The following CCER2 variants were observed in gnomAD, a reference collection of about 807,000 sequenced individuals.
CCER2 encodes coiled-coil glutamate rich protein 2.
Under a neutral mutation model 27.1 loss-of-function variants are expected in CCER2, and 20 were observed. That is an observed-to-expected ratio of 0.74 (90% CI 0.52 to 1.07). The LOEUF (loss-of-function observed/expected upper bound fraction) is 1.07. CCER2 is among the 50% of genes least tolerant of loss of function. CCER2 has a pLI of 0.00. For synonymous variants in CCER2, 140 were observed against 144.3 expected (o/e 0.97, Z 0.21); for missense variants, 351 against 344.7 (o/e 1.02, Z -0.14).
rs1486249316 is a variant in CCER2 at position 38,910,925 on chromosome 19, C to G, written c.349G>C (p.Val117Leu). 3.3e-6 allele frequency: 5 copies of G among 1,518,786 alleles called. No individual in the cohort carries two copies. The highest frequency in any genetic ancestry group is 4.4e-6 in the Non-Finnish European group (5 of 1,138,192). 94.1% of individuals were successfully genotyped at this position (1,518,786 alleles called of 1,614,324 possible). ...EVAERTHKSE[V>L]QEQAIRMQGH... is the part of the protein sequence containing the mutation. ...TGCATGCGGATGGCTTGTTCCTGGACCTCAGACTTGTGGGTCCTCTCTGCT... is the reference window on the plus strand; with the variant it reads ...TGCATGCGGATGGCTTGTTCCTGGAGCTCAGACTTGTGGGTCCTCTCTGCT... Residue 117 changes from valine to leucine, a missense_variant, in exon 4 of 5, where the codon GTC (valine) becomes CTC (leucine). Coordinates refer to ENST00000571838, the MANE Select transcript of CCER2 (RefSeq NM_001243212.2).
chr19:38,911,926 G>GCGGA, intron 1 of CCER2, 74 bp from the exon 2 acceptor site: 1 of 1,519,436 alleles, frequency 6.6e-7, no homozygotes, highest in Non-Finnish European at 8.8e-7. Flanking sequence ...AGCTCCATGG[G>GCGGA]CGTCCCGGTC....
intron 4 of CCER2, among the ~76,000 whole-genome samples, chr19:38,909,723 A>G (rs974771369): frequency 6.6e-6 from 1 of 151,698 alleles, no homozygotes; most frequent in Non-Finnish European, 1.5e-5. Context: ...CAGGCATGCA[A>G]CACCATGCCT....
At chr19:38,910,528 CTG>C (rs1568419171) in intron 4 of CCER2, 33 bp downstream of exon 4, 41 of 1,439,260 alleles carry the variant, frequency 2.8e-5, no homozygotes, top group Non-Finnish European at 3.7e-5. Flanking sequence ...TGCCTCCAAA[CTG>C]TGTTGGTGTT....
At chr19:38,911,262 ACAGGGGGG>A (rs1180079334) in intron 3 of CCER2, among the ~76,000 whole-genome samples, 179 bp from the exon 4 acceptor site, 2 of 152,220 alleles carry the variant, frequency 1.3e-5, no homozygotes. Flanking sequence ...CGAAGGTCTC[ACAGGGGGG>A]CTGCCCAGAC....
chr19:38,910,846 C>T lies in CCER2; in HGVS notation c.428G>A (p.Arg143Lys), dbSNP rs756503455. 4.7e-5 allele frequency: 72 copies of T among 1,527,492 alleles called. No homozygotes were observed. The African/African-American group carries it at 7.9e-4, about 17-fold the overall frequency. The allele number at this position is 1,527,492 out of a possible 1,614,324, so 94.6% of individuals were successfully genotyped here. The change falls in exon 4 of 5, where the codon AGG (arginine) becomes AAG (lysine). Residue 143 changes from arginine (R) to lysine (K), a missense_variant. Physicochemically the swap from Arg to Lys is conservative, Grantham distance 26 (BLOSUM62 2). Transcript: ENST00000571838. ...EEDEEEEKEE[R>K]KRGPMETFED... is the part of the protein sequence containing the mutation. Reference sequence around the variant, plus strand: ...AAAGGTCTCCATGGGCCCCCTCTTCCTCTCCTCCTTCTCCTCCTCCTCGTC... The same window carrying T: ...AAAGGTCTCCATGGGCCCCCTCTTCTTCTCCTCCTTCTCCTCCTCCTCGTC...
At chr19:38,911,177 G>A in intron 3 of CCER2, 94 bp from the exon 4 acceptor site, 9 of 1,247,164 alleles carry the variant, frequency 7.2e-6, no homozygotes, top group Non-Finnish European at 9.5e-6. Context: ...CACTTTGGGA[G>A]GCCGTGGCGG....
At chr19:38,911,442 G>A in intron 3 of CCER2, 124 bp downstream of exon 3, 1 of 813,180 alleles carries the variant, frequency 1.2e-6, no homozygotes, top group South Asian at 1.7e-5. Context: ...CTCTGGGAAT[G>A]AGGACCTCTT....
At chr19:38,910,080 C>T (rs2144748761) in intron 4 of CCER2, among the ~76,000 whole-genome samples, 1 of 152,196 alleles carries the variant, frequency 6.6e-6, no homozygotes. Flanking sequence ...ACTATGTTGC[C>T]CACGCTGGTC....
Position 38,911,669 on chromosome 19 carries a change from G to A in CCER2, c.103-16C>T. On this transcript the variant is annotated splice_polypyrimidine_tract_variant and intron_variant, in intron 2 of 4. Transcript: ENST00000571838. ...AGCGGGTCAGCTGGGGGGCAGGGGTGCCGGGTCAGAGGGGAGGTTGAGGGC... is the reference window on the plus strand; with the variant it reads ...AGCGGGTCAGCTGGGGGGCAGGGGTACCGGGTCAGAGGGGAGGTTGAGGGC... 6.5e-7 allele frequency: 1 copy of A among 1,535,276 alleles called. No individual in the cohort carries two copies. The highest frequency in any genetic ancestry group is 8.7e-7 in the Non-Finnish European group (1 of 1,146,474).
At chr19:38,910,147 C>T (rs144099802) in intron 4 of CCER2, among the ~76,000 whole-genome samples, 1 of 152,238 alleles carries the variant, frequency 6.6e-6, no homozygotes, top group Non-Finnish European at 1.5e-5. Context: ...GATTAACCCT[C>T]CCTAGGATTA....
intron 1 of CCER2, 108 bp downstream of exon 1, chr19:38,911,990 G>A (rs1314271385): frequency 3.4e-6 from 5 of 1,473,134 alleles, no homozygotes; most frequent in East Asian, 2.5e-5. Flanking sequence ...CCCGCTGGAG[G>A]CTCGGCCCCT....
rs1037207829 is a variant in CCER2, at chr19:38,911,646, C to A, written c.110G>T (p.Arg37Leu). Residue 37 changes from arginine (R) to leucine (L), a missense_variant, in exon 3 of 5, where the codon CGC becomes CTC. Arg to Leu is a moderately radical substitution (Grantham distance 102, BLOSUM62 -2). Coordinates refer to ENST00000571838, the MANE Select transcript of CCER2 (RefSeq NM_001243212.2). ...CTCTGTGACCACCTCTGCCAGACAG[C>A]GGGTCAGCTGGGGGGCAGGGGTGCC... Reference protein sequence around the residue: ...APRPSKEELTRCLAEVVTEVL... With the variant: ...APRPSKEELTLCLAEVVTEVL... The A allele has an allele frequency of 2.0e-6, 3 of 1,535,470 alleles. No homozygotes were observed. Among genetic ancestry groups the A allele is most frequent in the Non-Finnish European group, 1.7e-6 (2 of 1,146,736 alleles).
At chr19:38,911,674 G>C in intron 2 of CCER2, 21 bp from the exon 3 acceptor site, 2 of 1,534,938 alleles carry the variant, frequency 1.3e-6, no homozygotes, top group Non-Finnish European at 1.7e-6. Flanking sequence ...GGGGTGCCGG[G>C]TCAGAGGGGA....
At chr19:38,909,739 A>G (rs1262157282) in intron 4 of CCER2, among the ~76,000 whole-genome samples, 1 of 151,514 alleles carries the variant, frequency 6.6e-6, no homozygotes, top group African/African-American at 2.4e-5. Context: ...TGCCTGGCTG[A>G]TTTTTTGTAT....
Position 38,909,137 on chromosome 19 carries a change from G to T in CCER2, c.*99C>A. ...GCACGTCCGCCTCCTCCCCTGTTTGGGTAGGGGTGGCGTGGGGTGCTAGGT... is the reference window on the plus strand; with the variant it reads ...GCACGTCCGCCTCCTCCCCTGTTTGTGTAGGGGTGGCGTGGGGTGCTAGGT... On this transcript the variant is annotated 3_prime_UTR_variant, in exon 5 of 5. Coordinates refer to ENST00000571838, the MANE Select transcript of CCER2 (RefSeq NM_001243212.2). The T allele has an allele frequency of 1.6e-6, 2 of 1,267,508 alleles. No homozygotes were observed. Among genetic ancestry groups the T allele is most frequent in the Non-Finnish European group, 1.1e-6 (1 of 911,722 alleles). 78.5% of individuals were successfully genotyped at this position (1,267,508 alleles called of 1,614,324 possible). A position where few individuals can be genotyped will look rare whatever the true frequency, so the allele number is the denominator to read the frequency against.
At chr19:38,909,372 G>C (rs1361161605) in intron 4 of CCER2, 47 bp from the exon 5 acceptor site, 1 of 1,503,048 alleles carries the variant, frequency 6.7e-7, no homozygotes, top group Non-Finnish European at 8.9e-7. Context: ...TTCAAAGGCA[G>C]GCCACCTCGG....
chr19:38,911,928 G>C, intron 1 of CCER2, 76 bp from the exon 2 acceptor site: 1 of 1,516,248 alleles, frequency 6.6e-7, no homozygotes, highest in Admixed American at 2.0e-5. Flanking sequence ...CTCCATGGGC[G>C]TCCCGGTCCC....
chr19:38,911,518 G>C, intron 3 of CCER2, 48 bp downstream of exon 3: 2 of 1,480,684 alleles, frequency 1.4e-6, no homozygotes, highest in Non-Finnish European at 1.8e-6. Flanking sequence ...GGGTAGGGTA[G>C]GGTCCCATGG....
At chr19:38,909,384 C>G in intron 4 of CCER2, 59 bp from the exon 5 acceptor site, 6 of 1,472,176 alleles carry the variant, frequency 4.1e-6, no homozygotes, top group Non-Finnish European at 5.5e-6. Flanking sequence ...CCACCTCGGT[C>G]ACTGTGATTG....
Sources: allele counts gnomAD v4.1 joint callset (sites outside exome capture counted in the v4.1 genomes callset), GRCh38; gene constraint gnomAD v4.1.1; transcripts MANE v1.5; gene names NCBI Gene and HGNC (gene_info 2026-07-23, HGNC 2026-07-21).